Variants in PRKN observed in about 807,000 individuals in gnomAD.
PRKN encodes the protein E3 ubiquitin-protein ligase parkin.
In PRKN, 56 loss-of-function variants were observed where a neutral mutation model predicts 59.5. That is an observed-to-expected ratio of 0.94 (90% confidence interval 0.76 to 1.18). The LOEUF is 1.18. Ranked by LOEUF, PRKN falls within the 50% of genes most tolerant of loss-of-function variation. The pLI, the probability that PRKN is intolerant of heterozygous loss-of-function variation, is 0.00. For synonymous variants in PRKN, 250 were observed against 222.1 expected (o/e 1.13, Z -1.12); for missense variants, 657 against 596.4 (o/e 1.10, Z -1.06).
intron 7 of PRKN, among the ~76,000 whole-genome samples, chr6:161,590,281 C>T (rs190717179): frequency 6.6e-6 from 1 of 152,218 alleles, no homozygotes; most frequent in East Asian, 1.9e-4. Flanking sequence ...GGTACAACAT[C>T]CTCCTCCAAC....
At chr6:162,337,271 C>T (rs1204257512) in intron 2 of PRKN, among the ~76,000 whole-genome samples, 2 of 152,100 alleles carry the variant, frequency 1.3e-5, no homozygotes, top group African/African-American at 2.4e-5. Flanking sequence ...CCCAAAATAA[C>T]AGTTAAGAAA....
In PRKN at chr6:162,329,571, T is replaced by A. The variant is rs764050610; in HGVS notation, c.172-66806A>T. On this transcript the variant is annotated intron_variant, in intron 2 of 11. Transcript: ENST00000366898. The stretch of plus-strand genomic sequence containing the variant: ...TTTTCAGCATTTGCAGTACATTAAT[T>A]TTATGCATGAAATTTATCTTCATGT... 3.9e-5 allele frequency among the ~76,000 whole-genome samples: 6 copies of A among 152,074 alleles called. 1 individual carries two copies. Among genetic ancestry groups the A allele is most frequent in the Non-Finnish European group, 8.8e-5 (6 of 68,012 alleles).
rs369193502 is a variant in PRKN at position 162,724,977 on chromosome 6, C to T, written c.7+2685G>A. On this transcript the variant is annotated intron_variant, in intron 1 of 11. Coordinates refer to ENST00000366898, the MANE Select transcript of PRKN (RefSeq NM_004562.3). ...TGCTTGGCAATGGTCATCTGCAATC[C>T]TGTCTTTGTCCTGCCTCTGTATCCC... 6.7e-4 allele frequency among the ~76,000 whole-genome samples: 102 copies of T among 152,304 alleles called. No individual in the cohort carries two copies. In the East Asian group the frequency reaches 9.9e-3, roughly 15 times the overall value.
intron 6 of PRKN, among the ~76,000 whole-genome samples, chr6:161,969,339 G>A (rs1447027331): frequency 6.7e-6 from 1 of 150,216 alleles, no homozygotes; most frequent in Non-Finnish European, 1.5e-5. Flanking sequence ...AACTGAGACA[G>A]CCAAGGTACC....
intron 7 of PRKN, among the ~76,000 whole-genome samples, chr6:161,763,144 C>G (rs1789273706): frequency 6.6e-6 from 1 of 152,132 alleles, no homozygotes; most frequent in South Asian, 2.1e-4. Context: ...TAATATTTTT[C>G]CTGGACTGAA....
At chr6:162,074,944 G>A (rs1778758101) in intron 4 of PRKN, among the ~76,000 whole-genome samples, 1 of 152,070 alleles carries the variant, frequency 6.6e-6, no homozygotes, top group Non-Finnish European at 1.5e-5. Flanking sequence ...TTTTTTTGTT[G>A]TTCCGTTTCA....
At chr6:162,649,368 G>A (rs1316981303) in intron 1 of PRKN, among the ~76,000 whole-genome samples, 1 of 152,142 alleles carries the variant, frequency 6.6e-6, no homozygotes, top group Non-Finnish European at 1.5e-5. Context: ...TAAGATAAGG[G>A]TGAAATAGGA....
chr6:162,047,639 C>T (rs1453937881), intron 5 of PRKN, among the ~76,000 whole-genome samples: 2 of 151,306 alleles, frequency 1.3e-5, no homozygotes, highest in African/African-American at 2.4e-5. Flanking sequence ...TCTAAAACAA[C>T]AATAAAAACA....
chr6:162,193,808 C>T (rs534598988), intron 4 of PRKN, among the ~76,000 whole-genome samples: 5 of 152,268 alleles, frequency 3.3e-5, no homozygotes, highest in Admixed American at 2.0e-4. Flanking sequence ...CTGAGCTCTT[C>T]AGGTCCCCTC....
intron 7 of PRKN, among the ~76,000 whole-genome samples, chr6:161,647,735 G>C (rs1207331520): frequency 3.9e-5 from 6 of 151,964 alleles, no homozygotes; most frequent in Non-Finnish European, 7.4e-5. Flanking sequence ...TTCTATCCTG[G>C]GATATAATTT....
At chr6:162,525,062 A>G (rs907425428) in intron 1 of PRKN, among the ~76,000 whole-genome samples, 1 of 152,138 alleles carries the variant, frequency 6.6e-6, no homozygotes, top group African/African-American at 2.4e-5. Flanking sequence ...CAAAGTGAGA[A>G]ATAAAATGTC....
At chr6:162,006,524 T>C (rs1782261660) in intron 5 of PRKN, among the ~76,000 whole-genome samples, 1 of 152,190 alleles carries the variant, frequency 6.6e-6, no homozygotes, top group Non-Finnish European at 1.5e-5. Flanking sequence ...TTTCTTGCCA[T>C]GGTCTACAAG....
At chr6:161,626,900 C>G (rs148532267) in intron 7 of PRKN, among the ~76,000 whole-genome samples, 1 of 152,052 alleles carries the variant, frequency 6.6e-6, no homozygotes, top group Non-Finnish European at 1.5e-5. Flanking sequence ...CAGTCCTGCT[C>G]GCAGACGATT....
rs528125762 is a variant in PRKN, at chr6:161,451,781, T to G, written c.1084-64904A>C. Among the ~76,000 whole-genome samples, 56 of 152,254 alleles carry G rather than the reference T, an allele frequency of 3.7e-4. No homozygotes were observed. The highest frequency in any genetic ancestry group is 1.3e-3 in the African/African-American group (55 of 41,552). ...TGGCCCATGAGTGAAACTTAGAGAA[T>G]TAGGGGACTGCTTTGGTCTTGGCAG... On this transcript the variant is annotated intron_variant, in intron 9 of 11. Transcript: ENST00000366898. This position sits in a 1 kb window ranked among gnomAD's most constrained non-coding sequence, Gnocchi z 5.9.
At chr6:162,221,325 CTGTT>C (rs1238212885) in intron 3 of PRKN, among the ~76,000 whole-genome samples, 1 of 152,164 alleles carries the variant, frequency 6.6e-6, no homozygotes, top group Non-Finnish European at 1.5e-5. Context: ...TTGGTCTGGT[CTGTT>C]TGTCACTGAG....
chr6:161,903,324 G>T (rs563733604), intron 6 of PRKN, among the ~76,000 whole-genome samples: 1 of 152,106 alleles, frequency 6.6e-6, no homozygotes, highest in Non-Finnish European at 1.5e-5. Flanking sequence ...CTGCAAAGTG[G>T]GCTCTTTTGT....
At chr6:161,861,600 A>T (rs9347549) in intron 6 of PRKN, among the ~76,000 whole-genome samples, 2 of 113,840 alleles carry the variant, frequency 1.8e-5, no homozygotes, top group South Asian at 6.7e-4. Context: ...AAATTTTTTT[A>T]AAAAGTATAA....
chr6:162,270,660 A>G (rs1262332437), intron 2 of PRKN: 3 of 152,206 alleles, frequency 2.0e-5, no homozygotes, highest in Non-Finnish European at 4.4e-5. Context: ...GAATGATCAG[A>G]CTAATTTAAA....
chr6:162,275,644 G>A (rs1780603874), intron 2 of PRKN, among the ~76,000 whole-genome samples: 1 of 152,070 alleles, frequency 6.6e-6, no homozygotes, highest in Non-Finnish European at 1.5e-5. Flanking sequence ...AATTAGCCAG[G>A]CGTGGTGGCG....
Sources: gnomAD v4.1 joint callset for allele counts (sites outside exome capture counted in the v4.1 genomes callset) on GRCh38, gnomAD v4.1.1 for gene constraint, Gnocchi (gnomAD v3.1) non-coding constraint, MANE v1.5 for transcripts, NCBI Gene and HGNC (gene_info 2026-07-23, HGNC 2026-07-21) for gene names.